KCNIP3: variants seen among roughly 807,000 people sequenced by gnomAD.
KCNIP3 encodes the protein calsenilin.
KCNIP3 carries 28 observed loss-of-function variants against 35.0 expected under a neutral mutation model. The observed-to-expected ratio is 0.80, with a 90% CI of 0.59 to 1.10. The LOEUF is 1.10. Among genes scored for constraint, KCNIP3 ranks in the 50% least tolerant of loss-of-function variants. KCNIP3 has a pLI of 0.00. For missense variants in KCNIP3, 295 were observed against 338.4 expected, an observed-to-expected ratio of 0.87 and a Z score of 1.01; for synonymous variants, 134 against 133.8, an observed-to-expected ratio of 1.00 and a Z score of -0.01.
At chr2:95,354,665 G>A (rs1481532152) in intron 2 of KCNIP3, among the ~76,000 whole-genome samples, 2 of 152,226 alleles carry the variant, frequency 1.3e-5, no homozygotes, top group African/African-American at 4.8e-5. Context: ...TAACTGCGGG[G>A]CCAAGGGGAC....
At chr2:95,303,295 G>A (rs1046882896) in intron 1 of KCNIP3, 18 of 152,270 alleles carry the variant, frequency 1.2e-4, no homozygotes, top group African/African-American at 4.1e-4. Context: ...AGGGAGCCAC[G>A]AGGCAAAATG....
At chr2:95,335,513 A>G (rs1679039832) in intron 2 of KCNIP3, among the ~76,000 whole-genome samples, 1 of 152,042 alleles carries the variant, frequency 6.6e-6, no homozygotes. Flanking sequence ...GATGCTTTTA[A>G]GGTTTTCTCT....
intron 1 of KCNIP3, among the ~76,000 whole-genome samples, 193 bp downstream of exon 1, chr2:95,297,646 C>G (rs1249702679): frequency 6.6e-6 from 1 of 151,780 alleles, no homozygotes; most frequent in Non-Finnish European, 1.5e-5. Flanking sequence ...GTTGGAGTGT[C>G]CTGGCTGGCG....
chr2:95,324,721 G>A (rs1386907513), intron 2 of KCNIP3, among the ~76,000 whole-genome samples: 6 of 151,678 alleles, frequency 4.0e-5, no homozygotes, highest in East Asian at 2.0e-4. Context: ...GACCAGCCTG[G>A]CCAATATGGT....
At chr2:95,340,235 G>A (rs1455008461) in intron 2 of KCNIP3, among the ~76,000 whole-genome samples, 1 of 152,146 alleles carries the variant, frequency 6.6e-6, no homozygotes, top group Non-Finnish European at 1.5e-5. Flanking sequence ...TGCTCAGGAG[G>A]TGCGGCAGGA....
intron 5 of KCNIP3, among the ~76,000 whole-genome samples, chr2:95,375,421 C>T (rs1680160658): frequency 6.6e-6 from 1 of 152,006 alleles, no homozygotes; most frequent in Non-Finnish European, 1.5e-5. Context: ...CGTTCTCAGC[C>T]TTTTCTTCCA....
At chr2:95,352,046 T>C (rs1229721189) in intron 2 of KCNIP3, among the ~76,000 whole-genome samples, 1 of 152,056 alleles carries the variant, frequency 6.6e-6, no homozygotes, top group African/African-American at 2.4e-5. Context: ...GCAGATCACT[T>C]GAGGTCAGGA....
chr2:95,298,520 G>A (rs1170118288), intron 1 of KCNIP3, among the ~76,000 whole-genome samples: 14 of 152,168 alleles, frequency 9.2e-5, no homozygotes, highest in Admixed American at 9.2e-4. Context: ...ATGTAGGAAA[G>A]AAGGGATATG....
intron 2 of KCNIP3, among the ~76,000 whole-genome samples, chr2:95,319,131 G>A (rs900648881): frequency 6.6e-6 from 1 of 152,238 alleles, no homozygotes; most frequent in Admixed American, 6.5e-5. Flanking sequence ...GTAAGATTGA[G>A]CATACACTCA....
chr2:95,380,858 A>G (rs1680319484), intron 5 of KCNIP3, among the ~76,000 whole-genome samples: 1 of 152,166 alleles, frequency 6.6e-6, no homozygotes, highest in African/African-American at 2.4e-5. Context: ...CTATAAGTAT[A>G]AAATAAATTA....
chr2:95,369,634 A>T lies in KCNIP3; in HGVS notation c.182-4662A>T, dbSNP rs543721898. ...TCTCTCTTTTTTTTTCAATTTTTTC[A>T]ATTTATTTTTTTTTGAGCTGGGGTC... On this transcript the variant is annotated intron_variant, in intron 2 of 8. Transcript: ENST00000295225. Among the ~76,000 whole-genome samples the T allele has an allele frequency of 4.7e-5, 7 of 148,652 alleles. No individual in the cohort carries two copies. In the South Asian group the frequency reaches 1.5e-3, roughly 32 times the overall value.
intron 1 of KCNIP3, 66 bp downstream of exon 1, chr2:95,297,519 G>T: frequency 3.3e-6 from 4 of 1,217,240 alleles, no homozygotes; most frequent in Non-Finnish European, 4.7e-6. Flanking sequence ...AGGCTTCTGG[G>T]GGTTGCTCTG....
chr2:95,317,314 G>C (rs1274868559), intron 2 of KCNIP3, among the ~76,000 whole-genome samples: 3 of 152,230 alleles, frequency 2.0e-5, no homozygotes, highest in Non-Finnish European at 4.4e-5. Context: ...GGTGCTGGGA[G>C]CTCAGGAGTG....
At position 95,382,550 on chromosome 2, in the gene KCNIP3, A is replaced by G; in HGVS notation, c.660+69A>G. The stretch of plus-strand genomic sequence containing the variant: ...GGAAGGGGCTCTCGCTTTTGGGGCC[A>G]CCCCGGGCAAGTGGCTTGCCCCTCT... On this transcript the variant is annotated intron_variant, in intron 7 of 8. Transcript: ENST00000295225. This position sits in a 1 kb window ranked among gnomAD's most constrained non-coding sequence, Gnocchi z 4.5. 3 of 1,186,720 alleles carry G rather than the reference A, an allele frequency of 2.5e-6. No homozygotes were observed. Among genetic ancestry groups the G allele is most frequent in the Non-Finnish European group, 3.6e-6 (3 of 840,174 alleles). 73.5% of individuals were successfully genotyped at this position (1,186,720 alleles called of 1,614,324 possible).
chr2:95,357,932 T>G (rs564261594), intron 2 of KCNIP3, among the ~76,000 whole-genome samples: 3 of 152,312 alleles, frequency 2.0e-5, no homozygotes, highest in Admixed American at 2.0e-4. Context: ...CCGTGCGCAG[T>G]GTCACACAGG....
chr2:95,354,314 G>T (rs1294637336), intron 2 of KCNIP3, among the ~76,000 whole-genome samples: 6 of 152,252 alleles, frequency 3.9e-5, no homozygotes, highest in African/African-American at 7.2e-5. Context: ...TGCCTGGCAA[G>T]CATCGGGTGT....
At position 95,382,511 on chromosome 2, in the gene KCNIP3, G is replaced by T. The variant is rs763318763; in HGVS notation, c.660+30G>T. 13 of 1,528,148 alleles carry T rather than the reference G, an allele frequency of 8.5e-6. No individual in the cohort carries two copies. The highest frequency in any genetic ancestry group is 2.8e-5 in the African/African-American group (2 of 72,600). 94.7% of individuals were successfully genotyped at this position (1,528,148 alleles called of 1,614,324 possible). ...GCGAGCGCCAGCCCTGCCTAGGGAG[G>T]GGAGCCTGGCAGAGGAAGGGGCTCT... On this transcript the variant is annotated intron_variant, in intron 7 of 8. Transcript: ENST00000295225. This position sits in a 1 kb window ranked among gnomAD's most constrained non-coding sequence, Gnocchi z 4.5.
intron 2 of KCNIP3, among the ~76,000 whole-genome samples, chr2:95,327,469 C>T (rs748691929): frequency 4.7e-5 from 7 of 148,968 alleles, no homozygotes; most frequent in Non-Finnish European, 5.9e-5. Flanking sequence ...ACCATGCACA[C>T]TCACACTCTC....
chr2:95,315,840 A>G (rs1174877790), intron 2 of KCNIP3, among the ~76,000 whole-genome samples: 1 of 152,176 alleles, frequency 6.6e-6, no homozygotes, highest in Non-Finnish European at 1.5e-5. Flanking sequence ...CCCCGCAGGT[A>G]CAGCCTCCCT....
Sources: gnomAD v4.1 joint callset for allele counts (sites outside exome capture counted in the v4.1 genomes callset) on GRCh38, gnomAD v4.1.1 for gene constraint, Gnocchi (gnomAD v3.1) non-coding constraint, MANE v1.5 for transcripts, NCBI Gene and HGNC (gene_info 2026-07-23, HGNC 2026-07-21) for gene names.